Variants in HYCC2 observed in about 807,000 individuals in gnomAD.
HYCC2 encodes hyccin 2.
chr2:201,066,354 G>A, the HYCC2 span, among the ~76,000 whole-genome samples: 6 of 152,148 alleles, frequency 3.9e-5, no homozygotes, highest in Non-Finnish European at 7.4e-5. Context: ...GATTACAGGC[G>A]TGAGCCACTG....
the HYCC2 span, chr2:200,981,144 A>C: frequency 8.9e-7 from 1 of 1,123,168 alleles, no homozygotes; most frequent in South Asian, 1.5e-5. This position sits in a 1 kb window ranked among gnomAD's most constrained non-coding sequence, Gnocchi z 4.5. Flanking sequence ...CAGTATGAAG[A>C]TACCTAAACT....
chr2:201,024,109 G>T, the HYCC2 span: 1 of 844,116 alleles, frequency 1.2e-6, no homozygotes, highest in Non-Finnish European at 2.0e-6. Flanking sequence ...AATGATATGT[G>T]CCTTTCACCA....
At chr2:201,023,990 C>T in the HYCC2 span, 9 of 1,613,512 alleles carry the variant, frequency 5.6e-6, no homozygotes, top group South Asian at 7.7e-5. Flanking sequence ...TTCCACAACA[C>T]AACGGTCAGT....
chr2:201,048,382 A>G, the HYCC2 span, among the ~76,000 whole-genome samples: 1 of 152,146 alleles, frequency 6.6e-6, no homozygotes, highest in Non-Finnish European at 1.5e-5. Context: ...TAATAATTAT[A>G]TTACAGTATA....
At chr2:201,044,738 A>G in the HYCC2 span, among the ~76,000 whole-genome samples, 1 of 152,210 alleles carries the variant, frequency 6.6e-6, no homozygotes, top group Non-Finnish European at 1.5e-5. Context: ...TATTATCAAT[A>G]TAATTATTTA....
chr2:200,975,931 T>C, the HYCC2 span: 1 of 152,118 alleles, frequency 6.6e-6, no homozygotes, highest in African/African-American at 2.4e-5. Flanking sequence ...ATAATGCAAG[T>C]AATACTAAAA....
chr2:201,065,817 T>C, the HYCC2 span, among the ~76,000 whole-genome samples: 2 of 152,060 alleles, frequency 1.3e-5, no homozygotes, highest in African/African-American at 2.4e-5. Context: ...ATGTATAGAA[T>C]AGGAACTAAA....
At chr2:200,983,265 A>G in the HYCC2 span, among the ~76,000 whole-genome samples, 4 of 152,220 alleles carry the variant, frequency 2.6e-5, no homozygotes, top group Admixed American at 2.6e-4. Context: ...TTTAATCTGA[A>G]TCTACAAAAC....
chr2:201,062,809 C>A, the HYCC2 span, among the ~76,000 whole-genome samples: 1 of 149,566 alleles, frequency 6.7e-6, no homozygotes, highest in East Asian at 1.9e-4. Flanking sequence ...CAGAGTGAGA[C>A]CCTGTCTCCA....
At chr2:201,006,810 A>G in the HYCC2 span, among the ~76,000 whole-genome samples, 1 of 152,200 alleles carries the variant, frequency 6.6e-6, no homozygotes, top group Non-Finnish European at 1.5e-5. Context: ...AATATTGGTC[A>G]TATGTATTGG....
the HYCC2 span, among the ~76,000 whole-genome samples, chr2:201,028,352 A>T: frequency 1.5e-3 from 236 of 152,356 alleles, 1 homozygote; most frequent in African/African-American, 5.6e-3. Flanking sequence ...GTTCATGGAC[A>T]GGAAGAGTCA....
chr2:200,997,309 C>A, the HYCC2 span: 28 of 608,720 alleles, frequency 4.6e-5, no homozygotes, highest in Non-Finnish European at 7.6e-5. Context: ...GATAAGGACT[C>A]CTACAGGAAT....
At chr2:200,978,757 G>T in the HYCC2 span, 1 of 152,068 alleles carries the variant, frequency 6.6e-6, no homozygotes, top group African/African-American at 2.4e-5. Context: ...TTACAGGCGT[G>T]AGCCACCGTG....
At chr2:200,983,666 CAT>C in the HYCC2 span, among the ~76,000 whole-genome samples, 32,749 of 151,982 alleles carry the variant, frequency 0.22, 4,351 homozygotes, top group African/African-American at 0.37. Context: ...AAATTATATT[CAT>C]ATGATACATT....
the HYCC2 span, among the ~76,000 whole-genome samples, chr2:201,028,566 C>T: frequency 6.6e-6 from 1 of 152,176 alleles, no homozygotes; most frequent in African/African-American, 2.4e-5. Flanking sequence ...TCAAACTATA[C>T]TACAAGGCTA....
the HYCC2 span, chr2:200,981,966 G>A: frequency 3.6e-6 from 5 of 1,376,396 alleles, no homozygotes; most frequent in Non-Finnish European, 4.9e-6. The surrounding 1 kb of genome is among the most constrained non-coding windows in gnomAD (Gnocchi z 4.5). Flanking sequence ...GGCAATGTTC[G>A]CTATAGGTTG....
the HYCC2 span, among the ~76,000 whole-genome samples, chr2:201,027,400 C>T: frequency 3.3e-5 from 5 of 152,192 alleles, no homozygotes; most frequent in South Asian, 1.0e-3. Context: ...GAGGAGCTGG[C>T]ACCATTCCTT....
the HYCC2 span, chr2:200,980,862 T>A: frequency 5.4e-6 from 1 of 186,572 alleles, no homozygotes; most frequent in African/African-American, 2.4e-5. Flanking sequence ...CTATAGATTA[T>A]GAGAACAAAC....
At chr2:201,008,910 T>C in the HYCC2 span, 1 of 988,898 alleles carries the variant, frequency 1.0e-6, no homozygotes, top group South Asian at 1.3e-5. Flanking sequence ...CATTCATTCA[T>C]TCATATATAT....
Sources: gnomAD v4.1 joint callset for allele counts (sites outside exome capture counted in the v4.1 genomes callset) on GRCh38, gnomAD v4.1.1 for gene constraint, Gnocchi (gnomAD v3.1) non-coding constraint, MANE v1.5 for transcripts, NCBI Gene and HGNC (gene_info 2026-07-23, HGNC 2026-07-21) for gene names.